ST8SIA5: variants seen among roughly 807,000 people sequenced by gnomAD.
ST8SIA5 encodes ST8 alpha-N-acetyl-neuraminide alpha-2,8-sialyltransferase 5.
ST8SIA5 carries 24 observed loss-of-function variants against 40.2 expected under a neutral mutation model. The observed-to-expected ratio is 0.60, with a 90% CI of 0.43 to 0.84. The LOEUF (loss-of-function observed/expected upper bound fraction) is 0.84. Among genes scored for constraint, ST8SIA5 ranks in the 40% least tolerant of loss-of-function variants. The pLI, the probability that ST8SIA5 is intolerant of heterozygous loss-of-function variation, is 0.00. For synonymous variants in ST8SIA5, 198 were observed against 201.8 expected (o/e 0.98, Z 0.16); for missense variants, 465 against 498.5 (o/e 0.93, Z 0.64).
chr18:46,741,956 G>C (rs1040867190), intron 1 of ST8SIA5, among the ~76,000 whole-genome samples: 4 of 151,990 alleles, frequency 2.6e-5, no homozygotes, highest in African/African-American at 4.8e-5. Context: ...ACAAAAATTA[G>C]CTGGGCATGG....
At chr18:46,691,833 C>T (rs1422554182) in intron 3 of ST8SIA5, 1 of 338,000 alleles carries the variant, frequency 3.0e-6, no homozygotes, top group East Asian at 6.6e-5. Context: ...CGTAATGCAC[C>T]TTCACACAGG....
Position 46,680,436 on chromosome 18 carries a change from A to G in ST8SIA5, c.737T>C (p.Leu246Pro). The change falls in exon 7 of 7, where the codon CTG (leucine) becomes CCG (proline). Residue 246 changes from leucine to proline, a missense_variant. Coordinates refer to ENST00000315087, the MANE Select transcript of ST8SIA5 (RefSeq NM_013305.6). Reference sequence around the variant, plus strand: ...GTTGCGCGTGTTGTAGAAGGCAGGCAGCAGCACCGACGCGTTCTCGTACAC... The same window carrying G: ...GTTGCGCGTGTTGTAGAAGGCAGGCGGCAGCACCGACGCGTTCTCGTACAC... ...LQVYENASVL[L>P]PAFYNTRNTD... The G allele has an allele frequency of 1.2e-6, 2 of 1,612,316 alleles. No homozygotes were observed. The highest frequency in any genetic ancestry group is 1.7e-6 in the Non-Finnish European group (2 of 1,179,146).
Position 46,677,323 on chromosome 18 carries a change from C to CTCCATTGGGTGCCGTTCCT in ST8SIA5, c.*2718_*2719insAGGAACGGCACCCAATGGA, listed in dbSNP as rs2039346449. ...AGTTCCCTCCATTGGGTGCCGTTCC[C>CTCCATTGGGTGCCGTTCCT]TCCATTGGGTGCCTGACCAAGGGCA... On this transcript the variant is annotated 3_prime_UTR_variant, in exon 7 of 7. Coordinates refer to ENST00000315087, the MANE Select transcript of ST8SIA5 (RefSeq NM_013305.6). 6.6e-6 allele frequency: 1 copy of CTCCATTGGGTGCCGTTCCT among 152,240 alleles called. No homozygotes were observed. The allele number at this position is 152,240 out of a possible 1,614,324, so 9.4% of individuals were successfully genotyped here.
chr18:46,714,016 T>C (rs1478446046), intron 1 of ST8SIA5, among the ~76,000 whole-genome samples: 1 of 152,228 alleles, frequency 6.6e-6, no homozygotes, highest in African/African-American at 2.4e-5. Flanking sequence ...GACTTCAGTG[T>C]TCTGTGAGCC....
chr18:46,746,550 G>A (rs2040142555), intron 1 of ST8SIA5, among the ~76,000 whole-genome samples: 1 of 152,142 alleles, frequency 6.6e-6, no homozygotes, highest in African/African-American at 2.4e-5. Flanking sequence ...ACAAACCACT[G>A]CTCAGTGAAA....
intron 2 of ST8SIA5, among the ~76,000 whole-genome samples, chr18:46,696,688 A>C (rs2039560029): frequency 6.6e-6 from 1 of 152,262 alleles, no homozygotes; most frequent in African/African-American, 2.4e-5. Context: ...AAAAGATTTT[A>C]CAAATTGCTT....
intron 1 of ST8SIA5, among the ~76,000 whole-genome samples, chr18:46,745,191 C>G (rs961612300): frequency 4.6e-5 from 7 of 152,186 alleles, no homozygotes; most frequent in African/African-American, 1.7e-4. Flanking sequence ...CAAAAGCTAG[C>G]AGAAGGCAAG....
rs1347020784 is a variant in ST8SIA5, at chr18:46,673,963, T to A, written c.*6079A>T. On this transcript the variant is annotated 3_prime_UTR_variant, in exon 7 of 7. Coordinates refer to ENST00000315087, the MANE Select transcript of ST8SIA5 (RefSeq NM_013305.6). ...GAGGAGACTAGGTCAGGGCGTGTGT[T>A]GAGCTCAGAGAAGCAGCACCTTTTT... The A allele has an allele frequency of 6.6e-6, 1 of 152,104 alleles. No homozygotes were observed. Among genetic ancestry groups the A allele is most frequent in the Admixed American group, 6.5e-5 (1 of 15,274 alleles). The allele number at this position is 152,104 out of a possible 1,614,324, so 9.4% of individuals were successfully genotyped here. A position where few individuals can be genotyped will look rare whatever the true frequency, so the allele number is the denominator to read the frequency against.
chr18:46,697,497 T>C (rs2039568139), intron 2 of ST8SIA5, among the ~76,000 whole-genome samples: 1 of 152,138 alleles, frequency 6.6e-6, no homozygotes, highest in African/African-American at 2.4e-5. Flanking sequence ...AATTAAAAGA[T>C]ATGACCAGCC....
At chr18:46,714,759 C>T (rs9950834) in intron 1 of ST8SIA5, among the ~76,000 whole-genome samples, 39,412 of 152,126 alleles carry the variant, frequency 0.26, 5,909 homozygotes, top group Non-Finnish European at 0.33. Context: ...TTGGAGCACT[C>T]AGGGAGTTAC....
chr18:46,681,671 G>A (rs1382393197), intron 6 of ST8SIA5, among the ~76,000 whole-genome samples: 2 of 152,134 alleles, frequency 1.3e-5, no homozygotes, highest in Admixed American at 1.3e-4. Context: ...AACTAATGCA[G>A]GCCACATATG....
At chr18:46,718,342 A>AG (rs1433426708) in intron 1 of ST8SIA5, among the ~76,000 whole-genome samples, 3 of 151,780 alleles carry the variant, frequency 2.0e-5, no homozygotes, top group South Asian at 2.1e-4. Flanking sequence ...AAAAAAAAAA[A>AG]AAAGAAAAAA....
chr18:46,715,800 T>A (rs2039782929), intron 1 of ST8SIA5, among the ~76,000 whole-genome samples: 1 of 152,118 alleles, frequency 6.6e-6, no homozygotes, highest in Non-Finnish European at 1.5e-5. Flanking sequence ...TAGACCAAGC[T>A]GGTCTTGAAC....
In ST8SIA5 at chr18:46,672,952, A is replaced by C. The variant is rs1416560140; in HGVS notation, c.*7090T>G. ...AAAAAGTCTCTGGTATACTATACTA[A>C]GTGAAATAAGCCAGTCATCAGAAAG... On this transcript the variant is annotated 3_prime_UTR_variant, in exon 7 of 7. Transcript: ENST00000315087. 6.6e-6 allele frequency: 1 copy of C among 152,274 alleles called. No homozygotes were observed. Among genetic ancestry groups the C allele is most frequent in the Non-Finnish European group, 1.5e-5 (1 of 68,048 alleles). The allele number at this position is 152,274 out of a possible 1,614,324, so 9.4% of individuals were successfully genotyped here. A position where few individuals can be genotyped will look rare whatever the true frequency, so the allele number is the denominator to read the frequency against.
At chr18:46,734,146 T>C (rs1439332297) in intron 1 of ST8SIA5, among the ~76,000 whole-genome samples, 1 of 152,032 alleles carries the variant, frequency 6.6e-6, no homozygotes, top group Non-Finnish European at 1.5e-5. Flanking sequence ...CTCAGCAGGA[T>C]GAACGGGCGC....
intron 2 of ST8SIA5, among the ~76,000 whole-genome samples, chr18:46,696,549 A>T (rs2039558506): frequency 6.6e-6 from 1 of 152,166 alleles, no homozygotes; most frequent in Non-Finnish European, 1.5e-5. Context: ...CCAATCTTGC[A>T]ATGTAACCTT....
rs1568244309 is a variant in ST8SIA5, at chr18:46,674,619, C to G, written c.*5423G>C. 1 of 152,306 alleles carries G rather than the reference C, an allele frequency of 6.6e-6. No homozygotes were observed. The highest frequency in any genetic ancestry group is 1.5e-5 in the Non-Finnish European group (1 of 68,100). The allele number at this position is 152,306 out of a possible 1,614,324, so 9.4% of individuals were successfully genotyped here. ...GCCAGTGCTGGCAATACAAAATGAG[C>G]TTAGATATCGTGTCTTCCCTTGGGG... is the stretch of plus-strand genomic sequence containing the variant. On this transcript the variant is annotated 3_prime_UTR_variant, in exon 7 of 7. Coordinates refer to ENST00000315087, the MANE Select transcript of ST8SIA5 (RefSeq NM_013305.6).
chr18:46,692,340 C>CCTCCCTCCTGATCTTGGCCT, intron 2 of ST8SIA5, 85 bp from the exon 3 acceptor site: 1 of 1,226,204 alleles, frequency 8.2e-7, no homozygotes, highest in South Asian at 1.2e-5. Flanking sequence ...CTCCTGATCT[C>CCTCCCTCCTGATCTTGGCCT]CCATAGGCCA....
intron 3 of ST8SIA5, among the ~76,000 whole-genome samples, chr18:46,689,196 G>A (rs555739333): frequency 1.4e-4 from 21 of 152,010 alleles, no homozygotes; most frequent in Admixed American, 4.6e-4. Flanking sequence ...CCTTTTCAAC[G>A]CCTCTCCCAA....
Sources: allele counts gnomAD v4.1 joint callset (sites outside exome capture counted in the v4.1 genomes callset), GRCh38; gene constraint gnomAD v4.1.1; transcripts MANE v1.5; gene names NCBI Gene and HGNC (gene_info 2026-07-23, HGNC 2026-07-21).